The following DTX1 variants were observed in gnomAD, a reference collection of about 807,000 sequenced individuals.
DTX1 encodes the protein E3 ubiquitin-protein ligase DTX1.
Under a neutral mutation model 57.8 loss-of-function variants are expected in DTX1, and 26 were observed. That is an observed-to-expected ratio of 0.45 (90% CI 0.33 to 0.62). The LOEUF (loss-of-function observed/expected upper bound fraction) is 0.62. Among genes scored for constraint, DTX1 ranks in the 20% least tolerant of loss-of-function variants. The pLI is 0.02. For synonymous variants in DTX1, 398 were observed against 394.1 expected (o/e 1.01, Z -0.12); for missense variants, 704 against 895.3 (o/e 0.79, Z 2.73).
chr12:113,058,372 G>A lies in DTX1; in HGVS notation c.180G>A (p.Val60=), dbSNP rs2044645056. 6.2e-7 allele frequency: 1 copy of A among 1,611,380 alleles called. No homozygotes were observed. The highest frequency in any genetic ancestry group is 8.5e-7 in the Non-Finnish European group (1 of 1,179,992). The part of the protein sequence containing the change: ...NVLKEDARGS[V]VLGQVDAQLV... The stretch of plus-strand genomic sequence containing the variant: ...TGAAGGAGGACGCTCGCGGTTCCGT[G>A]GTCCTGGGGCAGGTGGACGCCCAGC... Residue 60 remains valine, a synonymous_variant, in exon 2 of 10, where the codon GTG becomes GTA. Coordinates refer to ENST00000548759, the MANE Select transcript of DTX1 (RefSeq NM_004416.3).
chr12:113,057,145 G>C (rs570436051), intron 1 of DTX1, among the ~76,000 whole-genome samples: 1 of 151,950 alleles, frequency 6.6e-6, no homozygotes, highest in African/African-American at 2.4e-5. Context: ...GCATCCCCGT[G>C]CTTCCCGGCG....
rs749309569 is a variant in DTX1 at position 113,094,926 on chromosome 12, C to T, written c.1365C>T (p.Ala455=). 31 of 1,613,248 alleles carry T rather than the reference C, an allele frequency of 1.9e-5. No homozygotes were observed. The Admixed American group carries it at 2.7e-4, about 14-fold the overall frequency. ...TGTACCACCTGCTGTGCCTCGTGGC[C>T]ATGTACTCCAATGGCAACAAGGTGG... ...GHMYHLLCLV[A]MYSNGNKDGS... The change falls in exon 7 of 10, where the codon GCC becomes GCT. Residue 455 remains alanine (A), a synonymous_variant. Transcript: ENST00000548759.
At chr12:113,069,128 G>T (rs531757779) in intron 2 of DTX1, among the ~76,000 whole-genome samples, 44 of 152,276 alleles carry the variant, frequency 2.9e-4, no homozygotes, top group Non-Finnish European at 2.9e-5. Context: ...TAGGCCCTCT[G>T]GGAGTGTTTA....
intron 3 of DTX1, among the ~76,000 whole-genome samples, chr12:113,082,432 G>A (rs2044825589): frequency 6.6e-6 from 1 of 152,192 alleles, no homozygotes; most frequent in African/African-American, 2.4e-5. Context: ...TCCGCCTAAA[G>A]CTTTCCATTG....
intron 2 of DTX1, among the ~76,000 whole-genome samples, chr12:113,059,748 G>A (rs1243350561): frequency 4.6e-5 from 7 of 152,154 alleles, no homozygotes; most frequent in Admixed American, 6.5e-5. Flanking sequence ...CAGGCTGGTA[G>A]GATGCTCGCT....
In DTX1 at chr12:113,096,707, C is replaced by A. The variant is rs200357238; in HGVS notation, c.1639-8C>A. 5 of 1,606,856 alleles carry A rather than the reference C, an allele frequency of 3.1e-6. No individual in the cohort carries two copies. In the African/African-American group the frequency reaches 4.0e-5, roughly 13 times the overall value. ...CCTCCCGGCCCCACTGTGTCCCTGT[C>A]CCCCCAGGTGCTGCGGCTGCTCATC... is the stretch of plus-strand genomic sequence containing the variant. On this transcript the variant is annotated splice_polypyrimidine_tract_variant and splice_region_variant and intron_variant, in intron 9 of 9. Transcript: ENST00000548759.
intron 3 of DTX1, among the ~76,000 whole-genome samples, chr12:113,079,513 C>A (rs201480494): frequency 9.7e-6 from 1 of 103,396 alleles, no homozygotes; most frequent in Non-Finnish European, 1.7e-5. Flanking sequence ...TTGGCCACTT[C>A]TCTTTTTTTT....
In DTX1 at chr12:113,077,415, C is replaced by T. The variant is rs753351408; in HGVS notation, c.260-9C>T. On this transcript the variant is annotated splice_polypyrimidine_tract_variant and intron_variant, in intron 2 of 9. Coordinates refer to ENST00000548759, the MANE Select transcript of DTX1 (RefSeq NM_004416.3). This position sits in a 1 kb window ranked among gnomAD's most constrained non-coding sequence, Gnocchi z 7.8. ...CTGTGCTGACGCCTCCTCCCCATTT[C>T]GAGTACAGGCACCATGCGGCCCGTG... is the stretch of plus-strand genomic sequence containing the variant. 15 of 1,590,528 alleles carry T rather than the reference C, an allele frequency of 9.4e-6. No homozygotes were observed. The highest frequency in any genetic ancestry group is 1.2e-5 in the Non-Finnish European group (14 of 1,171,814).
intron 3 of DTX1, among the ~76,000 whole-genome samples, chr12:113,080,359 A>C (rs2044807762): frequency 6.6e-6 from 1 of 152,192 alleles, no homozygotes; most frequent in South Asian, 2.1e-4. Context: ...GCTGCCTTAC[A>C]AAAAGAGGGG....
intron 2 of DTX1, among the ~76,000 whole-genome samples, chr12:113,064,444 G>A (rs2044690346): frequency 6.6e-6 from 1 of 152,166 alleles, no homozygotes; most frequent in Admixed American, 6.5e-5. Context: ...TGGGTCTTGG[G>A]GACTCAGAGA....
At position 113,061,620 on chromosome 12, in the gene DTX1, A is replaced by G. The variant is rs140996619; in HGVS notation, c.259+3169A>G. 2.1e-3 allele frequency among the ~76,000 whole-genome samples: 321 copies of G among 152,324 alleles called. 1 individual carries two copies. The highest frequency in any genetic ancestry group is 7.2e-3 in the African/African-American group (301 of 41,562). ...ATCTGGCTGATTTTATCCCACAAAC[A>G]TCAACTAATTATCTACTGTGCATCT... On this transcript the variant is annotated intron_variant, in intron 2 of 9. Coordinates refer to ENST00000548759, the MANE Select transcript of DTX1 (RefSeq NM_004416.3).
intron 3 of DTX1, among the ~76,000 whole-genome samples, chr12:113,085,981 G>T (rs1473535255): frequency 6.6e-6 from 1 of 152,320 alleles, no homozygotes; most frequent in Admixed American, 6.5e-5. Flanking sequence ...AAAAAGCAAG[G>T]TATGGTCCAG....
chr12:113,089,524 C>T (rs1950231529), intron 3 of DTX1, among the ~76,000 whole-genome samples: 1 of 152,100 alleles, frequency 6.6e-6, no homozygotes, highest in Admixed American at 6.6e-5. Context: ...GGGAGGCCCG[C>T]AGGCAGCGGT....
chr12:113,071,775 C>T (rs1027981205), intron 2 of DTX1, among the ~76,000 whole-genome samples: 1 of 152,258 alleles, frequency 6.6e-6, no homozygotes, highest in Non-Finnish European at 1.5e-5. Flanking sequence ...GAGAGGCGGA[C>T]GGATGGGCAG....
intron 2 of DTX1, among the ~76,000 whole-genome samples, chr12:113,060,234 T>C (rs1274898143): frequency 6.6e-6 from 1 of 152,216 alleles, no homozygotes; most frequent in Non-Finnish European, 1.5e-5. Context: ...TTTATTGATC[T>C]CTGCTGTGTG....
chr12:113,093,893 T>C lies in DTX1; in HGVS notation c.1166-145T>C. 11 of 1,420,896 alleles carry C rather than the reference T, an allele frequency of 7.7e-6. No individual in the cohort carries two copies. In the Middle Eastern group the frequency reaches 1.7e-3, roughly 215 times the overall value. The allele number at this position is 1,420,896 out of a possible 1,614,324, so 88.0% of individuals were successfully genotyped here. ...CTAACCTCCAGCAACCCCTGACCTC[T>C]GACCCTGGCCAACCCTTGCCAGCCT... On this transcript the variant is annotated intron_variant, in intron 5 of 9. Coordinates refer to ENST00000548759, the MANE Select transcript of DTX1 (RefSeq NM_004416.3). The surrounding 1 kb of genome is among the most constrained non-coding windows in gnomAD (Gnocchi z 4.2).
chr12:113,059,331 GA>G (rs914162757), intron 2 of DTX1, among the ~76,000 whole-genome samples: 2 of 152,114 alleles, frequency 1.3e-5, no homozygotes, highest in Admixed American at 1.3e-4. Flanking sequence ...GAGAAAATGA[GA>G]GAATGATGTT....
intron 3 of DTX1, among the ~76,000 whole-genome samples, chr12:113,080,934 C>T (rs1017274835): frequency 1.3e-5 from 2 of 149,740 alleles, no homozygotes; most frequent in South Asian, 4.2e-4. Context: ...GTGATCACAC[C>T]ACTGCACTGC....
At chr12:113,079,876 T>C (rs1176960778) in intron 3 of DTX1, among the ~76,000 whole-genome samples, 1 of 152,130 alleles carries the variant, frequency 6.6e-6, no homozygotes, top group African/African-American at 2.4e-5. Flanking sequence ...TGACCACTTC[T>C]GAGCTGGGAG....
Sources: allele counts gnomAD v4.1 joint callset (sites outside exome capture counted in the v4.1 genomes callset), GRCh38; gene constraint gnomAD v4.1.1; non-coding constraint Gnocchi (gnomAD v3.1); transcripts MANE v1.5; gene names NCBI Gene and HGNC (gene_info 2026-07-23, HGNC 2026-07-21).